Variants in NAAA observed in about 807,000 individuals in gnomAD.
The protein encoded by NAAA is N-acylethanolamine acid amidase, also known as N-acylethanolamine-hydrolyzing acid amidase.
Under a neutral mutation model 44.8 loss-of-function variants are expected in NAAA, and 39 were observed. The observed-to-expected ratio is 0.87, with a 90% CI of 0.67 to 1.14. The LOEUF (loss-of-function observed/expected upper bound fraction) is 1.14. Ranked by LOEUF, NAAA falls within the 50% of genes most tolerant of loss-of-function variation. The pLI, the probability that NAAA is intolerant of heterozygous loss-of-function variation, is 0.00. For synonymous variants in NAAA, 178 were observed against 191.3 expected (o/e 0.93, Z 0.58); for missense variants, 460 against 467.8 (o/e 0.98, Z 0.15).
chr4:75,933,365 T>C (rs1181792439), intron 3 of NAAA, among the ~76,000 whole-genome samples: 1 of 152,140 alleles, frequency 6.6e-6, no homozygotes, highest in Non-Finnish European at 1.5e-5. Context: ...GCTTTATAAA[T>C]GACCTCAGCC....
rs535963882 is a variant in NAAA at position 75,931,371 on chromosome 4, G to T, written c.499-67C>A. The T allele has an allele frequency of 4.9e-5, 59 of 1,205,096 alleles. No individual in the cohort carries two copies. In the African/African-American group the frequency reaches 8.2e-4, roughly 17 times the overall value. 74.7% of individuals were successfully genotyped at this position (1,205,096 alleles called of 1,614,324 possible). ...CAAATACACTGAAATCACCTGTTCT[G>T]CCCCACAATTTTCTGGATTTTTTTT... On this transcript the variant is annotated intron_variant, in intron 3 of 10. Transcript: ENST00000286733.
At chr4:75,911,359 C>A (rs542721888), downstream of NAAA, 16 of 497,844 alleles carry the variant, frequency 3.2e-5, no homozygotes, top group African/African-American at 3.0e-4. Context: ...GCTCACTGCA[C>A]AGACAAAACC....
At chr4:75,929,911 G>C (rs1202447011) in intron 4 of NAAA, among the ~76,000 whole-genome samples, 1 of 152,054 alleles carries the variant, frequency 6.6e-6, no homozygotes, top group Non-Finnish European at 1.5e-5. Flanking sequence ...CCAACATGGT[G>C]AAAACCCATC....
In NAAA at chr4:75,913,860, A is replaced by C; in HGVS notation, c.*515T>G. 5.1e-6 allele frequency: 5 copies of C among 985,322 alleles called. No individual in the cohort carries two copies. Among genetic ancestry groups the C allele is most frequent in the Non-Finnish European group, 6.0e-6 (5 of 829,800 alleles). The allele number at this position is 985,322 out of a possible 1,614,324, so 61.0% of individuals were successfully genotyped here. ...AAAAAACGAGACTCCCATTACATGGAAACACATGATCAAAGATCAGACTAA... is the reference window on the plus strand; with the variant it reads ...AAAAAACGAGACTCCCATTACATGGCAACACATGATCAAAGATCAGACTAA... On this transcript the variant is annotated 3_prime_UTR_variant, in exon 11 of 11. Coordinates refer to ENST00000286733, the MANE Select transcript of NAAA (RefSeq NM_014435.4).
At chr4:75,915,059 T>A (rs761739780) in intron 9 of NAAA, 74 bp from the exon 10 acceptor site, 37 of 1,110,706 alleles carry the variant, frequency 3.3e-5, no homozygotes, top group Admixed American at 8.5e-5. Flanking sequence ...AATGACCAAG[T>A]GCTTCCCTAA....
At chr4:75,924,081 T>G (rs904222749) in intron 5 of NAAA, among the ~76,000 whole-genome samples, 2 of 152,222 alleles carry the variant, frequency 1.3e-5, no homozygotes, top group Non-Finnish European at 2.9e-5. Context: ...CTCATTTTTT[T>G]GGGACTCCTC....
In NAAA at chr4:75,933,790, T is replaced by C. The variant is rs145530269; in HGVS notation, c.498+2319A>G. The stretch of plus-strand genomic sequence containing the variant: ...TGGCTCAAACCTGTAATCCCAGCAC[T>C]TTGGGAGGCCGAGGCGGGTGGATTA... On this transcript the variant is annotated intron_variant, in intron 3 of 10. Transcript: ENST00000286733. Among the ~76,000 whole-genome samples the C allele has an allele frequency of 5.2e-4, 79 of 152,050 alleles. 1 individual carries two copies. The highest frequency in any genetic ancestry group is 1.8e-3 in the African/African-American group (76 of 41,458).
intron 3 of NAAA, among the ~76,000 whole-genome samples, chr4:75,933,837 C>T (rs1234896085): frequency 1.3e-5 from 2 of 151,768 alleles, no homozygotes; most frequent in African/African-American, 2.4e-5. Flanking sequence ...GAGTTCAAGA[C>T]CAGCCAACAT....
chr4:75,928,398 T>C (rs1726925522), intron 4 of NAAA, among the ~76,000 whole-genome samples: 1 of 152,084 alleles, frequency 6.6e-6, no homozygotes, highest in African/African-American at 2.4e-5. Context: ...ACAGGTACAG[T>C]CTAGTTCTGC....
At chr4:75,924,839 C>T (rs1726501078) in intron 5 of NAAA, among the ~76,000 whole-genome samples, 1 of 152,166 alleles carries the variant, frequency 6.6e-6, no homozygotes, top group Admixed American at 6.5e-5. Context: ...TAGTTTCTAA[C>T]AGCTCAAGGC....
Position 75,920,035 on chromosome 4 carries a change from T to C in NAAA, c.903-60A>G, listed in dbSNP as rs187877125. 1.9e-4 allele frequency: 277 copies of C among 1,467,060 alleles called. No individual in the cohort carries two copies. In the African/African-American group the frequency reaches 3.3e-3, roughly 17 times the overall value. The allele number at this position is 1,467,060 out of a possible 1,614,324, so 90.9% of individuals were successfully genotyped here. A position where few individuals can be genotyped will look rare whatever the true frequency, so the allele number is the denominator to read the frequency against. ...TCAACAAGCACTGAAGCCCATCAGC[T>C]GTCATTTTTGGGAGGCAGAATGCAA... On this transcript the variant is annotated intron_variant, in intron 7 of 10. Coordinates refer to ENST00000286733, the MANE Select transcript of NAAA (RefSeq NM_014435.4).
intron 7 of NAAA, among the ~76,000 whole-genome samples, chr4:75,920,517 C>T (rs1726046988): frequency 1.3e-5 from 2 of 152,108 alleles, no homozygotes; most frequent in African/African-American, 4.8e-5. Flanking sequence ...GGGCTCCTGA[C>T]CCTGACAGCC....
At chr4:75,933,417 G>T (rs141207273) in intron 3 of NAAA, among the ~76,000 whole-genome samples, 1 of 152,018 alleles carries the variant, frequency 6.6e-6, no homozygotes, top group East Asian at 1.9e-4. Flanking sequence ...TCATCTCCAC[G>T]CATGGTGGTA....
intron 4 of NAAA, among the ~76,000 whole-genome samples, chr4:75,926,736 G>T (rs191399315): frequency 2.8e-4 from 43 of 151,958 alleles, no homozygotes; most frequent in African/African-American, 8.9e-4. Flanking sequence ...CAGATGTGCT[G>T]GCTCAAGCCT....
chr4:75,927,633 GCCCC>G (rs60371960), intron 4 of NAAA, among the ~76,000 whole-genome samples: 27,615 of 95,790 alleles, frequency 0.29, 4,816 homozygotes, highest in East Asian at 0.6. Flanking sequence ...AATTTTTAAT[GCCCC>G]CCCCCCCCCC....
chr4:75,918,025 C>T (rs1022749253), intron 9 of NAAA, among the ~76,000 whole-genome samples: 1 of 152,154 alleles, frequency 6.6e-6, no homozygotes, highest in Non-Finnish European at 1.5e-5. Context: ...GAAGGCTGTC[C>T]ACAGCTACCT....
Position 75,940,840 on chromosome 4 carries a change from T to G in NAAA, c.110A>C (p.Asn37Thr). Residue 37 changes from asparagine (N) to threonine (T), a missense_variant, in exon 1 of 11, where the codon AAC becomes ACC. Asn to Thr is a moderately conservative substitution (Grantham distance 65, BLOSUM62 0). Transcript: ENST00000286733. ...AASPPAAPRF[N>T]VSLDSVPELR... ...CTCGGGGACCGAGTCCAGGCTCACG[T>G]TGAAGCGCGGCGCTGCTGGGGGCGA... The G allele has an allele frequency of 6.3e-7, 1 of 1,591,024 alleles. No individual in the cohort carries two copies. The highest frequency in any genetic ancestry group is 8.5e-7 in the Non-Finnish European group (1 of 1,176,392).
At chr4:75,911,888 C>G (rs954730335), downstream of NAAA, among the ~76,000 whole-genome samples, 3 of 152,176 alleles carry the variant, frequency 2.0e-5, no homozygotes, top group Admixed American at 1.3e-4. Flanking sequence ...CCTAGCAGGG[C>G]AGAGGTTAGT....
At chr4:75,934,092 T>G (rs1278054791) in intron 3 of NAAA, among the ~76,000 whole-genome samples, 1 of 135,598 alleles carries the variant, frequency 7.4e-6, no homozygotes, top group Non-Finnish European at 1.6e-5. Flanking sequence ...ATAATAATAA[T>G]AATAATTTAC....
Sources: allele counts gnomAD v4.1 joint callset (sites outside exome capture counted in the v4.1 genomes callset), GRCh38; gene constraint gnomAD v4.1.1; transcripts MANE v1.5; gene names NCBI Gene and HGNC (gene_info 2026-07-23, HGNC 2026-07-21).